The following ADAMTS12 variants were observed in gnomAD, a reference collection of about 807,000 sequenced individuals.
ADAMTS12 encodes the protein ADAM metallopeptidase with thrombospondin type 1 motif 12.
ADAMTS12 carries 118 observed loss-of-function variants against 167.8 expected under a neutral mutation model. The observed-to-expected ratio is 0.70, with a 90% confidence interval of 0.61 to 0.82. The LOEUF (loss-of-function observed/expected upper bound fraction) is 0.82, where lower values mean the gene tolerates loss of function less well. Among genes scored for constraint, ADAMTS12 ranks in the 40% least tolerant of loss-of-function variants. The pLI, the probability that ADAMTS12 is intolerant of heterozygous loss-of-function variation, is 0.00. For synonymous variants in ADAMTS12, 704 were observed against 716.9 expected (o/e 0.98, Z 0.29); for missense variants, 1,916 against 1,998.8 (o/e 0.96, Z 0.79).
chr5:33,598,005 G>A (rs1307102354), intron 16 of ADAMTS12, among the ~76,000 whole-genome samples: 1 of 152,164 alleles, frequency 6.6e-6, no homozygotes, highest in Non-Finnish European at 1.5e-5. Context: ...CCTGTCTCCA[G>A]AAGGGCACAA....
Position 33,552,072 on chromosome 5 carries a change from C to T in ADAMTS12, c.4126-2689G>A, listed in dbSNP as rs577533506. Among the ~76,000 whole-genome samples the T allele has an allele frequency of 1.2e-4, 18 of 152,308 alleles. 1 individual carries two copies. The South Asian group carries it at 3.7e-3, about 32-fold the overall frequency. The stretch of plus-strand genomic sequence containing the variant: ...ATAGTATCCAGTTACCACATCACTA[C>T]ATCAGTTTGTTTAATTCCTGTGATT... On this transcript the variant is annotated intron_variant, in intron 20 of 23. Coordinates refer to ENST00000504830, the MANE Select transcript of ADAMTS12 (RefSeq NM_030955.4).
chr5:33,559,501 G>A (rs73078377), intron 20 of ADAMTS12, among the ~76,000 whole-genome samples: 10,076 of 152,246 alleles, frequency 0.066, 1,095 homozygotes, highest in African/African-American at 0.23. Flanking sequence ...AACCTGATAC[G>A]TTCTTTTCAC....
intron 2 of ADAMTS12, among the ~76,000 whole-genome samples, chr5:33,880,547 T>C (rs541611862): frequency 6.6e-6 from 1 of 152,254 alleles, no homozygotes; most frequent in South Asian, 2.1e-4. Context: ...AGGCCAGATT[T>C]GGCCTATGGT....
In ADAMTS12 at chr5:33,691,508, T is replaced by A. The variant is rs73758986; in HGVS notation, c.635-7453A>T. Among the ~76,000 whole-genome samples, 1,466 of 152,342 alleles carry A rather than the reference T, an allele frequency of 9.6e-3. 21 individuals are homozygous for A. Among genetic ancestry groups the A allele is most frequent in the African/African-American group, 0.033 (1,386 of 41,566 alleles). The stretch of plus-strand genomic sequence containing the variant: ...GGAATGGAATGCTTTCTTTTTAGGG[T>A]TCTCCCTGGTCTTAAGGACAGTTTC... On this transcript the variant is annotated intron_variant, in intron 3 of 23. Transcript: ENST00000504830.
intron 16 of ADAMTS12, among the ~76,000 whole-genome samples, chr5:33,601,456 T>C (rs895870131): frequency 3.3e-5 from 5 of 152,148 alleles, no homozygotes; most frequent in Non-Finnish European, 1.5e-5. Flanking sequence ...CAATAGTGAA[T>C]ATTAACTCCC....
chr5:33,712,168 G>A (rs1217748731), intron 3 of ADAMTS12, among the ~76,000 whole-genome samples: 2 of 152,064 alleles, frequency 1.3e-5, no homozygotes, highest in South Asian at 2.1e-4. Flanking sequence ...ACAGTAGCAG[G>A]CACACCGTAA....
At chr5:33,785,537 G>A (rs1746296629) in intron 2 of ADAMTS12, among the ~76,000 whole-genome samples, 1 of 151,930 alleles carries the variant, frequency 6.6e-6, no homozygotes, top group Non-Finnish European at 1.5e-5. Flanking sequence ...ATTTGAATAG[G>A]CACTTCAGCA....
chr5:33,618,104 A>AT (rs34799100), intron 14 of ADAMTS12, among the ~76,000 whole-genome samples: 7 of 152,208 alleles, frequency 4.6e-5, no homozygotes, highest in Non-Finnish European at 8.8e-5. Context: ...ACTAATACAT[A>AT]TTTTTTGTGT....
chr5:33,888,698 T>C (rs1750732711), intron 1 of ADAMTS12, among the ~76,000 whole-genome samples: 1 of 152,194 alleles, frequency 6.6e-6, no homozygotes, highest in South Asian at 2.1e-4. Context: ...TGGAACAGAC[T>C]GGCGCTTTGT....
At chr5:33,671,310 A>G (rs1332085599) in intron 5 of ADAMTS12, among the ~76,000 whole-genome samples, 1 of 152,192 alleles carries the variant, frequency 6.6e-6, no homozygotes, top group East Asian at 1.9e-4. Context: ...ACACATGATC[A>G]TGCACATGCA....
At chr5:33,777,670 T>C (rs971116227) in intron 2 of ADAMTS12, among the ~76,000 whole-genome samples, 4 of 152,088 alleles carry the variant, frequency 2.6e-5, no homozygotes, top group African/African-American at 9.7e-5. Flanking sequence ...CTGGAAGTCA[T>C]AGCCAGAGCA....
intron 18 of ADAMTS12, among the ~76,000 whole-genome samples, chr5:33,581,883 G>A (rs544502989): frequency 2.8e-4 from 43 of 152,286 alleles, no homozygotes; most frequent in Admixed American, 1.0e-3. Flanking sequence ...AGAATGTCAT[G>A]TGAAGATGAA....
In ADAMTS12 at chr5:33,561,020, A is replaced by G. The variant is rs368003271; in HGVS notation, c.4125+7T>C. On this transcript the variant is annotated splice_region_variant and intron_variant, in intron 20 of 23. Coordinates refer to ENST00000504830, the MANE Select transcript of ADAMTS12 (RefSeq NM_030955.4). ...CCTCCAAGACTCTGCCAAGCCTGAT[A>G]AGTTACCTTGCTCCAGTTTCCCACT... 1,837 of 1,613,784 alleles carry G rather than the reference A, an allele frequency of 1.1e-3. 5 individuals are homozygous for G. Among genetic ancestry groups the G allele is most frequent in the Non-Finnish European group, 1.4e-3 (1,707 of 1,179,966 alleles).
chr5:33,784,521 A>T (rs1055515265), intron 2 of ADAMTS12, among the ~76,000 whole-genome samples: 11 of 150,274 alleles, frequency 7.3e-5, no homozygotes, highest in African/African-American at 2.8e-4. Context: ...GGTCAGTATA[A>T]AAAAAATAGT....
chr5:33,832,609 T>C (rs1378201997), intron 2 of ADAMTS12, among the ~76,000 whole-genome samples: 6 of 152,218 alleles, frequency 3.9e-5, no homozygotes, highest in Non-Finnish European at 8.8e-5. Flanking sequence ...TTCTACCATC[T>C]GGCAATGCGC....
intron 1 of ADAMTS12, among the ~76,000 whole-genome samples, chr5:33,883,494 T>C (rs1750530809): frequency 6.6e-6 from 1 of 152,150 alleles, no homozygotes; most frequent in Non-Finnish European, 1.5e-5. Flanking sequence ...GACCCATTAC[T>C]TCCTACTGCA....
intron 10 of ADAMTS12, among the ~76,000 whole-genome samples, chr5:33,642,853 G>C (rs1181826537): frequency 1.3e-5 from 2 of 152,064 alleles, no homozygotes; most frequent in Admixed American, 1.3e-4. Flanking sequence ...GTAAGCTCTA[G>C]GCCCACAAGG....
chr5:33,678,717 G>A (rs961043355), intron 5 of ADAMTS12, among the ~76,000 whole-genome samples: 25 of 152,168 alleles, frequency 1.6e-4, no homozygotes, highest in Non-Finnish European at 3.5e-4. Context: ...AAAACCACTG[G>A]ACTAAACGAA....
Position 33,614,226 on chromosome 5 carries a change from G to A in ADAMTS12, c.2527+12C>T, listed in dbSNP as rs764901032. The A allele has an allele frequency of 6.2e-7, 1 of 1,612,328 alleles. No individual in the cohort carries two copies. Among genetic ancestry groups the A allele is most frequent in the East Asian group, 2.2e-5 (1 of 44,736 alleles). ...CTGGCATGGCTTCATAGTGAGAGCA[G>A]CTGTTTCTCACCTGTCCCGCAGGTC... On this transcript the variant is annotated intron_variant, in intron 16 of 23. Transcript: ENST00000504830.
Sources: gnomAD v4.1 joint callset for allele counts (sites outside exome capture counted in the v4.1 genomes callset) on GRCh38, gnomAD v4.1.1 for gene constraint, MANE v1.5 for transcripts, NCBI Gene and HGNC (gene_info 2026-07-23, HGNC 2026-07-21) for gene names.